Variants in ZBTB11 observed in about 807,000 individuals in gnomAD.
ZBTB11 encodes zinc finger and BTB domain-containing protein 11.
ZBTB11 carries 68 observed loss-of-function variants against 113.1 expected under a neutral mutation model. That is an observed-to-expected ratio of 0.60 (90% CI 0.49 to 0.74). The LOEUF is 0.74. ZBTB11 is among the 30% of genes least tolerant of loss of function. The pLI, the probability that ZBTB11 is intolerant of heterozygous loss-of-function variation, is 0.00. For missense variants in ZBTB11, 1,104 were observed against 1,279.4 expected, an observed-to-expected ratio of 0.86 and a Z score of 2.09; for synonymous variants, 518 against 452.6, an observed-to-expected ratio of 1.14 and a Z score of -1.83.
rs1936950426 is a variant in ZBTB11, at chr3:101,664,677, T to C, written c.1661A>G (p.Lys554Arg). The C allele has an allele frequency of 1.9e-6, 3 of 1,610,338 alleles. No homozygotes were observed. Among genetic ancestry groups the C allele is most frequent in the Non-Finnish European group, 1.7e-6 (2 of 1,179,120 alleles). Residue 554 changes from lysine to arginine, a missense_variant, in exon 5 of 11, where the codon AAA (lysine) becomes AGA (arginine). Coordinates refer to ENST00000312938, the MANE Select transcript of ZBTB11 (RefSeq NM_014415.4). ...CTCTTTAGCATCTCTTTTTGGCTGT[T>C]TCATCTTTTTTCCTCTTTGAACTAA... Reference protein sequence around the residue: ...QKLVQRGKKMKQPKRDAKENT... With the variant: ...QKLVQRGKKMRQPKRDAKENT...
At chr3:101,655,296 C>T (rs1936776660) in intron 7 of ZBTB11, among the ~76,000 whole-genome samples, 1 of 152,218 alleles carries the variant, frequency 6.6e-6, no homozygotes, top group Non-Finnish European at 1.5e-5. Context: ...TCCCCATTTC[C>T]TGTCAACAAC....
chr3:101,674,865 A>T (rs1011481648), intron 1 of ZBTB11, among the ~76,000 whole-genome samples: 10 of 152,152 alleles, frequency 6.6e-5, no homozygotes, highest in African/African-American at 2.4e-4. Context: ...ACCACATAAC[A>T]CTGGGTTAAG....
chr3:101,672,273 A>G, intron 1 of ZBTB11, 60 bp from the exon 2 acceptor site: 2 of 1,228,584 alleles, frequency 1.6e-6, no homozygotes, highest in Non-Finnish European at 2.3e-6. Flanking sequence ...AGAATATATT[A>G]TTTAGTCTGT....
chr3:101,672,004 GCTT>G lies in ZBTB11; in HGVS notation c.517_519del (p.Lys173del). On this transcript the variant is annotated inframe_deletion, in exon 2 of 11. Coordinates refer to ENST00000312938, the MANE Select transcript of ZBTB11 (RefSeq NM_014415.4). ...AACACAAGTTCATGTTTGGATACTG[GCTT>G]CTTTTTTGCAGGCTTGGATGCTGTA... 1 of 1,614,010 alleles carries G rather than the reference GCTT, an allele frequency of 6.2e-7. No homozygotes were observed. The highest frequency in any genetic ancestry group is 8.5e-7 in the Non-Finnish European group (1 of 1,179,914).
rs754966775 is a variant in ZBTB11 at position 101,651,592 on chromosome 3, C to T, written c.2736G>A (p.Arg912=). 1.3e-5 allele frequency: 21 copies of T among 1,613,706 alleles called. No homozygotes were observed. The highest frequency in any genetic ancestry group is 1.7e-5 in the Non-Finnish European group (20 of 1,179,978). ...CGCTACATACAGGACAGACATAGGG[C>T]CGTTCACCAGTATGTGTTCTGACAT... The part of the protein sequence containing the change: ...KRHVRTHTGE[R]PYVCPVCSEA... Residue 912 remains arginine (R), a synonymous_variant, in exon 11 of 11, where the codon CGG becomes CGA. Transcript: ENST00000312938.
chr3:101,669,533 A>T (rs1403230650), intron 3 of ZBTB11, among the ~76,000 whole-genome samples: 3 of 152,206 alleles, frequency 2.0e-5, no homozygotes, highest in African/African-American at 7.2e-5. Context: ...GAGAAACCAG[A>T]AAAGAGCAAC....
intron 3 of ZBTB11, chr3:101,670,606 T>C (rs1196178453): frequency 6.6e-6 from 1 of 152,490 alleles, no homozygotes; most frequent in African/African-American, 2.4e-5. Flanking sequence ...AAATAAGACA[T>C]AAACAGTCAA....
chr3:101,655,841 T>C (rs193208226), intron 7 of ZBTB11: 92 of 164,656 alleles, frequency 5.6e-4, no homozygotes, highest in Non-Finnish European at 8.9e-4. Context: ...TTTGTCTTTT[T>C]AGTAGAGAAA....
intron 7 of ZBTB11, 122 bp from the exon 8 acceptor site, chr3:101,654,943 T>C (rs1936769722): frequency 3.0e-6 from 2 of 661,716 alleles, no homozygotes; most frequent in Non-Finnish European, 5.2e-6. Context: ...AGTGGCGTGA[T>C]CTCGGCTCAT....
rs140412596 is a variant in ZBTB11, at chr3:101,661,434, T to C, written c.1801-1406A>G. 7.4e-4 allele frequency among the ~76,000 whole-genome samples: 112 copies of C among 152,274 alleles called. 3 individuals are homozygous for C. In the East Asian group the frequency reaches 0.019, roughly 26 times the overall value. Reference sequence around the variant, plus strand: ...TCTGTCAACAGCTTCCTGAGAAAATTTGGGAAGTAATAATTTTGAGACCTA... The same window carrying C: ...TCTGTCAACAGCTTCCTGAGAAAATCTGGGAAGTAATAATTTTGAGACCTA... On this transcript the variant is annotated intron_variant, in intron 5 of 10. Coordinates refer to ENST00000312938, the MANE Select transcript of ZBTB11 (RefSeq NM_014415.4).
intron 1 of ZBTB11, among the ~76,000 whole-genome samples, chr3:101,676,169 G>T (rs1937165118): frequency 6.7e-6 from 1 of 149,638 alleles, no homozygotes; most frequent in Admixed American, 6.6e-5. Context: ...TAAAGAAACG[G>T]GAGACCCGGC....
intron 7 of ZBTB11, among the ~76,000 whole-genome samples, chr3:101,655,311 G>A (rs190711216): frequency 2.0e-5 from 3 of 152,308 alleles, no homozygotes; most frequent in Admixed American, 1.3e-4. Context: ...AACAACCATA[G>A]TACTATCAGA....
intron 6 of ZBTB11, among the ~76,000 whole-genome samples, chr3:101,657,140 C>CAAAAA (rs11413892): frequency 9.5e-6 from 1 of 105,142 alleles, no homozygotes; most frequent in African/African-American, 4.3e-5. Context: ...GAATCAGTCT[C>CAAAAA]AAAAAAAAAA....
chr3:101,669,232 C>A (rs1559987777), intron 3 of ZBTB11, among the ~76,000 whole-genome samples: 1 of 152,184 alleles, frequency 6.6e-6, no homozygotes, highest in Non-Finnish European at 1.5e-5. Context: ...CAGGGTTTCA[C>A]CATGTTGTCC....
At chr3:101,654,223 T>C (rs932388536) in intron 8 of ZBTB11, among the ~76,000 whole-genome samples, 3 of 152,114 alleles carry the variant, frequency 2.0e-5, no homozygotes, top group Non-Finnish European at 4.4e-5. Context: ...GTATTCTTAG[T>C]AGAGATGGGG....
rs143236317 is a variant in ZBTB11 at position 101,653,325 on chromosome 3, C to T, written c.2310-387G>A. On this transcript the variant is annotated intron_variant, in intron 8 of 10. Transcript: ENST00000312938. ...CCTAAATTAATCACAACAAAGCATT[C>T]CCTTGGCCATAGTGATTGACTCAGG... 4.9e-3 allele frequency among the ~76,000 whole-genome samples: 751 copies of T among 152,256 alleles called. 6 individuals carry two copies. The highest frequency in any genetic ancestry group is 0.017 in the African/African-American group (716 of 41,538).
chr3:101,661,731 T>C (rs1249514273), intron 5 of ZBTB11, among the ~76,000 whole-genome samples: 1 of 152,230 alleles, frequency 6.6e-6, no homozygotes, highest in Admixed American at 6.5e-5. Context: ...TTTAATACAG[T>C]TTTATTTTCA....
intron 1 of ZBTB11, 153 bp downstream of exon 1, chr3:101,676,452 C>T: frequency 2.6e-6 from 2 of 769,954 alleles, no homozygotes; most frequent in East Asian, 3.4e-5. Context: ...GCTCCTTTCG[C>T]GTCCCCCACC....
At chr3:101,669,280 T>C (rs1010893523) in intron 3 of ZBTB11, among the ~76,000 whole-genome samples, 7 of 152,254 alleles carry the variant, frequency 4.6e-5, no homozygotes, top group Non-Finnish European at 7.3e-5. Flanking sequence ...GCAATCCACC[T>C]GCCTCAAAGC....
Sources: gnomAD v4.1 joint callset for allele counts (sites outside exome capture counted in the v4.1 genomes callset) on GRCh38, gnomAD v4.1.1 for gene constraint, MANE v1.5 for transcripts, NCBI Gene and HGNC (gene_info 2026-07-23, HGNC 2026-07-21) for gene names.